Variants in SEL1L2 observed in about 807,000 individuals in gnomAD.
The protein encoded by SEL1L2 is SEL1L2 adaptor subunit of SYVN1 ubiquitin ligase.
A neutral mutation model predicts 98.8 loss-of-function variants in SEL1L2; 89 were observed. That is an observed-to-expected ratio of 0.90 (90% CI 0.76 to 1.07). The LOEUF is 1.07. Among genes scored for constraint, SEL1L2 ranks in the 50% least tolerant of loss-of-function variants. SEL1L2 has a pLI of 0.00. For synonymous variants in SEL1L2, 262 were observed against 278.5 expected (o/e 0.94, Z 0.59); for missense variants, 788 against 812.0 (o/e 0.97, Z 0.36).
chr20:13,946,959 G>A (rs1343205460), intron 2 of SEL1L2, among the ~76,000 whole-genome samples: 1 of 152,224 alleles, frequency 6.6e-6, no homozygotes, highest in Non-Finnish European at 1.5e-5. Context: ...AGGGGGTACT[G>A]AGGATGGCTC....
intron 5 of SEL1L2, among the ~76,000 whole-genome samples, chr20:13,897,507 A>C (rs1404190136): frequency 6.6e-6 from 1 of 152,224 alleles, no homozygotes; most frequent in African/African-American, 2.4e-5. Flanking sequence ...TATATCTGTT[A>C]AGGGATTAAC....
chr20:13,902,889 G>A (rs552757040), intron 5 of SEL1L2, among the ~76,000 whole-genome samples: 62 of 152,196 alleles, frequency 4.1e-4, no homozygotes, highest in African/African-American at 4.6e-4. Context: ...AAGCCAAGGC[G>A]GGCGGATCAT....
intron 10 of SEL1L2, among the ~76,000 whole-genome samples, chr20:13,882,226 AT>A (rs1004355166): frequency 6.6e-6 from 1 of 152,146 alleles, no homozygotes; most frequent in Non-Finnish European, 1.5e-5. Flanking sequence ...TGGAAACTGG[AT>A]TTATCTTTGT....
intron 1 of SEL1L2, among the ~76,000 whole-genome samples, chr20:13,965,476 G>A (rs1600958270): frequency 6.6e-6 from 1 of 152,192 alleles, no homozygotes; most frequent in Non-Finnish European, 1.5e-5. Context: ...TTTGTTGGGT[G>A]AGTACTTAGT....
In SEL1L2 at chr20:13,887,830, T is replaced by G. The variant is rs1568903278; in HGVS notation, c.684A>C (p.Gly228=). ...QMILGYRYLS[G]INVLQNCEVA... ...CTTCACAATTCTGTAGAACATTGAT[T>G]CCCGACAAATATCTGTACCCCTAAA... Residue 228 remains glycine (G), a synonymous_variant, in exon 8 of 20, where the codon GGA becomes GGC. Transcript: ENST00000284951. 1 of 1,613,506 alleles carries G rather than the reference T, an allele frequency of 6.2e-7. No individual in the cohort carries two copies. The highest frequency in any genetic ancestry group is 8.5e-7 in the Non-Finnish European group (1 of 1,179,596).
In SEL1L2 at chr20:13,855,183, A is replaced by C. The variant is rs367590587; in HGVS notation, c.1818+4079T>G. 7.1e-4 allele frequency among the ~76,000 whole-genome samples: 108 copies of C among 152,160 alleles called. 1 individual carries two copies. The highest frequency in any genetic ancestry group is 2.5e-3 in the African/African-American group (104 of 41,516). On this transcript the variant is annotated intron_variant, in intron 18 of 19. Transcript: ENST00000284951. ...TATGGGGTAAGATCATTCCAGCAAA[A>C]GGATGATATCTCAGGAGGGCTCAGG... is the stretch of plus-strand genomic sequence containing the variant.
At chr20:13,995,317 G>A, upstream of SEL1L2, 1 of 245,496 alleles carries the variant, frequency 4.1e-6, no homozygotes, top group Non-Finnish European at 7.9e-6. The surrounding 1 kb of genome is among the most constrained non-coding windows in gnomAD (Gnocchi z 4.3). Flanking sequence ...CCCTGGCTCC[G>A]CCCCCTCCAG....
chr20:13,961,864 T>C (rs771455722), intron 1 of SEL1L2, among the ~76,000 whole-genome samples: 2 of 152,200 alleles, frequency 1.3e-5, no homozygotes, highest in Admixed American at 6.5e-5. Flanking sequence ...CAAATTGCCA[T>C]GGACCAGTGA....
intron 4 of SEL1L2, among the ~76,000 whole-genome samples, chr20:13,916,925 A>G (rs916871721): frequency 6.6e-6 from 1 of 152,134 alleles, no homozygotes; most frequent in Non-Finnish European, 1.5e-5. Context: ...AGGTTCCCAC[A>G]CTAATGGATG....
chr20:13,877,461 C>A, intron 11 of SEL1L2, 59 bp downstream of exon 11: 1 of 1,348,414 alleles, frequency 7.4e-7, no homozygotes, highest in South Asian at 1.2e-5. Context: ...CTGCTATGCC[C>A]AGTTTAATTT....
At chr20:13,859,490 C>T in intron 17 of SEL1L2, 56 bp from the exon 18 acceptor site, 2 of 1,445,166 alleles carry the variant, frequency 1.4e-6, no homozygotes, top group Middle Eastern at 3.9e-4. Context: ...ATGTATAGTT[C>T]TCAGGAATTC....
intron 14 of SEL1L2, among the ~76,000 whole-genome samples, chr20:13,868,971 G>T (rs1452691486): frequency 2.0e-5 from 3 of 151,694 alleles, no homozygotes; most frequent in Non-Finnish European, 4.4e-5. Context: ...TTCCTTGAAA[G>T]TTCTTCCCTT....
chr20:13,975,614 T>G (rs769484857), intron 1 of SEL1L2, among the ~76,000 whole-genome samples: 1 of 152,224 alleles, frequency 6.6e-6, no homozygotes, highest in Non-Finnish European at 1.5e-5. Flanking sequence ...TTACAAAGTA[T>G]AGCATTACAT....
intron 1 of SEL1L2, among the ~76,000 whole-genome samples, chr20:13,983,041 A>AAAAAAAAAAAAAAC: frequency 7.0e-6 from 1 of 143,056 alleles, no homozygotes; most frequent in African/African-American, 2.6e-5. Flanking sequence ...AAAAAAAAAA[A>AAAAAAAAAAAAAAC]AAAAAAAGCA....
intron 18 of SEL1L2, among the ~76,000 whole-genome samples, chr20:13,857,866 A>T (rs1989412832): frequency 6.6e-6 from 1 of 152,158 alleles, no homozygotes; most frequent in Admixed American, 6.5e-5. Context: ...TATTCATTTT[A>T]TTCTTAATGC....
intron 1 of SEL1L2, among the ~76,000 whole-genome samples, chr20:13,981,872 C>A (rs1285857629): frequency 1.3e-5 from 2 of 152,182 alleles, no homozygotes; most frequent in African/African-American, 2.4e-5. Context: ...TTTAGAAATT[C>A]TCAATTCCAT....
At chr20:13,948,156 G>A (rs908266820) in intron 2 of SEL1L2, among the ~76,000 whole-genome samples, 1 of 152,124 alleles carries the variant, frequency 6.6e-6, no homozygotes, top group Non-Finnish European at 1.5e-5. Flanking sequence ...TAGATTGGAA[G>A]TCTTAATATT....
intron 8 of SEL1L2, among the ~76,000 whole-genome samples, chr20:13,887,447 A>G (rs2047006759): frequency 6.6e-6 from 1 of 152,142 alleles, no homozygotes; most frequent in African/African-American, 2.4e-5. Flanking sequence ...TGAATGTTAT[A>G]TTTAGGGAAA....
At chr20:13,858,558 C>T (rs1484966976) in intron 18 of SEL1L2, among the ~76,000 whole-genome samples, 1 of 152,200 alleles carries the variant, frequency 6.6e-6, no homozygotes, top group Non-Finnish European at 1.5e-5. Flanking sequence ...AAACGCATAG[C>T]CCACTTAACC....
Sources: gnomAD v4.1 joint callset for allele counts (sites outside exome capture counted in the v4.1 genomes callset) on GRCh38, gnomAD v4.1.1 for gene constraint, Gnocchi (gnomAD v3.1) non-coding constraint, MANE v1.5 for transcripts, NCBI Gene and HGNC (gene_info 2026-07-23, HGNC 2026-07-21) for gene names.